Variants in ARHGAP12 observed in about 807,000 individuals in gnomAD.
The protein encoded by ARHGAP12 is Rho GTPase activating protein 12.
Under a neutral mutation model 108.6 loss-of-function variants are expected in ARHGAP12, and 64 were observed. That is an observed-to-expected ratio of 0.59 (90% confidence interval 0.48 to 0.73). ARHGAP12 has a LOEUF of 0.73. Among genes scored for constraint, ARHGAP12 ranks in the 30% least tolerant of loss-of-function variants. ARHGAP12 has a pLI of 0.00. For synonymous variants in ARHGAP12, 312 were observed against 337.2 expected, an observed-to-expected ratio of 0.93 and a Z score of 0.82; for missense variants, 940 against 1,005.9, an observed-to-expected ratio of 0.93 and a Z score of 0.89.
chr10:31,896,103 C>T (rs1189847618), intron 3 of ARHGAP12, among the ~76,000 whole-genome samples: 2 of 149,068 alleles, frequency 1.3e-5, no homozygotes, highest in Non-Finnish European at 3.0e-5. Flanking sequence ...GTGGGGGGAG[C>T]GGGGAGGGAT....
intron 3 of ARHGAP12, among the ~76,000 whole-genome samples, chr10:31,884,459 G>A (rs1020484353): frequency 2.6e-5 from 4 of 151,700 alleles, no homozygotes; most frequent in Non-Finnish European, 4.4e-5. Flanking sequence ...TAGATATGTC[G>A]GACAAGGAAG....
At chr10:31,853,626 A>G (rs1488471062) in intron 5 of ARHGAP12, among the ~76,000 whole-genome samples, 2 of 152,232 alleles carry the variant, frequency 1.3e-5, no homozygotes, top group Non-Finnish European at 2.9e-5. Context: ...AAATGTCAAT[A>G]TTCATTACAG....
chr10:31,885,565 T>C (rs1456399425), intron 3 of ARHGAP12, among the ~76,000 whole-genome samples: 1 of 152,182 alleles, frequency 6.6e-6, no homozygotes, highest in African/African-American at 2.4e-5. Flanking sequence ...ACACCTGTAA[T>C]TCCAGCACTT....
chr10:31,839,290 A>G lies in ARHGAP12; in HGVS notation c.1386+15T>C. 1 of 1,607,850 alleles carries G rather than the reference A, an allele frequency of 6.2e-7. No homozygotes were observed. Among genetic ancestry groups the G allele is most frequent in the Non-Finnish European group, 8.5e-7 (1 of 1,175,352 alleles). On this transcript the variant is annotated intron_variant, in intron 9 of 19. Transcript: ENST00000344936. ...GGTGTCTATGCCTATTAAGAAGGAG[A>G]GGATTGCTTCTTACCTTTGGACTGC... is the stretch of plus-strand genomic sequence containing the variant.
chr10:31,827,885 T>C lies in ARHGAP12; in HGVS notation c.1449-1500A>G, dbSNP rs912704124. On this transcript the variant is annotated intron_variant, in intron 10 of 19. Coordinates refer to ENST00000344936, the MANE Select transcript of ARHGAP12 (RefSeq NM_018287.7). ...AGAATTTAATATCTATCAATAAGAC[T>C]TACCTTTTTTTAAATTACTTTTTAT... Among the ~76,000 whole-genome samples, 49 of 152,154 alleles carry C rather than the reference T, an allele frequency of 3.2e-4. 1 individual carries two copies. The highest frequency in any genetic ancestry group is 3.2e-3 in the Admixed American group (49 of 15,280).
chr10:31,870,986 A>G (rs1837522638), intron 3 of ARHGAP12, among the ~76,000 whole-genome samples: 3 of 152,224 alleles, frequency 2.0e-5, no homozygotes, highest in Non-Finnish European at 4.4e-5. Flanking sequence ...ATAGCCTAGG[A>G]AAGAGGACAA....
At chr10:31,808,879 G>A in intron 18 of ARHGAP12, 115 bp downstream of exon 18, 1 of 1,371,804 alleles carries the variant, frequency 7.3e-7, no homozygotes, top group South Asian at 1.3e-5. Flanking sequence ...AATGTTTGGA[G>A]TAAAACAATC....
At chr10:31,916,848 C>T (rs1839576739) in intron 1 of ARHGAP12, among the ~76,000 whole-genome samples, 1 of 152,002 alleles carries the variant, frequency 6.6e-6, no homozygotes, top group Non-Finnish European at 1.5e-5. Flanking sequence ...AATTCCTGAC[C>T]TTGTGATCCG....
In ARHGAP12 at chr10:31,854,201, A is replaced by G; in HGVS notation, c.954T>C (p.Leu318=). The change falls in exon 5 of 20, where the codon CTT becomes CTC. Residue 318 remains leucine (L), a synonymous_variant. Coordinates refer to ENST00000344936, the MANE Select transcript of ARHGAP12 (RefSeq NM_018287.7). ...DFQNPGDQEL[L]SSEENYYSTS... is the part of the protein sequence containing the mutation. ...TGCTGTAGTAGTTTTCTTCCGATGA[A>G]AGAAGCTACAAATAGTCAGAAACAT... The G allele has an allele frequency of 6.2e-7, 1 of 1,603,980 alleles. No individual in the cohort carries two copies.
At chr10:31,834,589 T>C (rs1835944050) in intron 9 of ARHGAP12, among the ~76,000 whole-genome samples, 1 of 152,226 alleles carries the variant, frequency 6.6e-6, no homozygotes, top group African/African-American at 2.4e-5. Flanking sequence ...ACACCCTTAA[T>C]GCAAAGTACA....
chr10:31,871,762 G>A (rs796766340), intron 3 of ARHGAP12, among the ~76,000 whole-genome samples: 1 of 152,118 alleles, frequency 6.6e-6, no homozygotes, highest in East Asian at 1.9e-4. Context: ...GTATCTAGAC[G>A]GTTGACAGAG....
rs1175872461 is a variant in ARHGAP12 at position 31,818,923 on chromosome 10, A to G, written c.1633-1037T>C. On this transcript the variant is annotated intron_variant, in intron 12 of 19. Transcript: ENST00000344936. ...AAACTACAAGGCTAATTCAGGAAACAGTGACTTCTTTCATGCACTTTTCTA... is the reference window on the plus strand; with the variant it reads ...AAACTACAAGGCTAATTCAGGAAACGGTGACTTCTTTCATGCACTTTTCTA... 2.6e-5 allele frequency among the ~76,000 whole-genome samples: 4 copies of G among 152,164 alleles called. No individual in the cohort carries two copies. In the East Asian group the frequency reaches 7.7e-4, roughly 29 times the overall value.
At chr10:31,863,719 T>C (rs1238420603) in intron 3 of ARHGAP12, among the ~76,000 whole-genome samples, 1 of 152,086 alleles carries the variant, frequency 6.6e-6, no homozygotes, top group African/African-American at 2.4e-5. Context: ...GCACAGATAT[T>C]AAGAAAGTCT....
intron 1 of ARHGAP12, among the ~76,000 whole-genome samples, chr10:31,912,104 G>C (rs569417276): frequency 2.0e-5 from 3 of 152,268 alleles, no homozygotes; most frequent in African/African-American, 4.8e-5. Flanking sequence ...TGCATTACCA[G>C]AACGCTAGTC....
intron 3 of ARHGAP12, among the ~76,000 whole-genome samples, chr10:31,876,290 G>A (rs1273324010): frequency 6.6e-6 from 1 of 152,186 alleles, no homozygotes; most frequent in Non-Finnish European, 1.5e-5. Context: ...GGCCAAAGCA[G>A]GTGAATCACC....
At chr10:31,901,506 C>A (rs1450960758) in intron 3 of ARHGAP12, among the ~76,000 whole-genome samples, 1 of 119,168 alleles carries the variant, frequency 8.4e-6, no homozygotes, top group Non-Finnish European at 1.6e-5. Flanking sequence ...GTACTCCAGG[C>A]TTGGGTGACA....
intron 10 of ARHGAP12, among the ~76,000 whole-genome samples, chr10:31,828,471 T>C (rs1243673346): frequency 6.6e-6 from 1 of 152,198 alleles, no homozygotes; most frequent in African/African-American, 2.4e-5. Flanking sequence ...CAGTCTTCTA[T>C]TTCTTTAGAT....
intron 7 of ARHGAP12, among the ~76,000 whole-genome samples, chr10:31,840,315 C>T (rs1234197995): frequency 6.6e-6 from 1 of 151,206 alleles, no homozygotes; most frequent in Non-Finnish European, 1.5e-5. Flanking sequence ...ATTTTAATGT[C>T]TAAGCCTACA....
chr10:31,918,207 A>C (rs935121655), intron 1 of ARHGAP12, among the ~76,000 whole-genome samples: 2 of 152,008 alleles, frequency 1.3e-5, no homozygotes, highest in Non-Finnish European at 2.9e-5. Context: ...TTTTTGACTT[A>C]TGATCAGTTT....
Sources: allele counts gnomAD v4.1 joint callset (sites outside exome capture counted in the v4.1 genomes callset), GRCh38; gene constraint gnomAD v4.1.1; transcripts MANE v1.5; gene names NCBI Gene and HGNC (gene_info 2026-07-23, HGNC 2026-07-21).